The following GLRA1 variants were observed in gnomAD, a reference collection of about 807,000 sequenced individuals.
The protein encoded by GLRA1 is glycine receptor subunit alpha-1.
A neutral mutation model predicts 48.3 loss-of-function variants in GLRA1; 37 were observed. The ratio of observed to expected loss-of-function variants is 0.77; its 90% CI spans 0.59 to 1.01. The LOEUF (loss-of-function observed/expected upper bound fraction) is 1.01, where lower values mean the gene tolerates loss of function less well. Among genes scored for constraint, GLRA1 ranks in the 50% least tolerant of loss-of-function variants. GLRA1 has a pLI of 0.00. For synonymous variants in GLRA1, 196 were observed against 210.7 expected, an observed-to-expected ratio of 0.93 and a Z score of 0.60; for missense variants, 427 against 571.0, an observed-to-expected ratio of 0.75 and a Z score of 2.57.
chr5:151,878,459 T>C (rs1483442432), intron 3 of GLRA1, among the ~76,000 whole-genome samples: 1 of 152,048 alleles, frequency 6.6e-6, no homozygotes, highest in Non-Finnish European at 1.5e-5. Flanking sequence ...GCTGAAGAAA[T>C]TTGCATAAGT....
At chr5:151,853,775 A>G (rs1430835030) in intron 6 of GLRA1, among the ~76,000 whole-genome samples, 1 of 152,040 alleles carries the variant, frequency 6.6e-6, no homozygotes, top group Non-Finnish European at 1.5e-5. Flanking sequence ...CTAGGAATCT[A>G]TTGCCAAATC....
At chr5:151,864,171 T>C (rs1001140556) in intron 3 of GLRA1, among the ~76,000 whole-genome samples, 6 of 151,828 alleles carry the variant, frequency 4.0e-5, no homozygotes, top group East Asian at 1.9e-4. Context: ...TGATGAGGCA[T>C]TGGGCAAGTC....
chr5:151,841,003 CTTAA>C (rs1763700029), intron 7 of GLRA1, among the ~76,000 whole-genome samples: 1 of 152,044 alleles, frequency 6.6e-6, no homozygotes, highest in Non-Finnish European at 1.5e-5. Context: ...AAATGAAAAA[CTTAA>C]TTGACACTGT....
chr5:151,889,039 A>G (rs1009875745), intron 2 of GLRA1, among the ~76,000 whole-genome samples: 3 of 152,128 alleles, frequency 2.0e-5, no homozygotes, highest in Admixed American at 1.3e-4. Context: ...GTTACTGCCT[A>G]TGCCTTGAAA....
At chr5:151,860,345 T>G (rs1753162993) in intron 3 of GLRA1, among the ~76,000 whole-genome samples, 1 of 152,218 alleles carries the variant, frequency 6.6e-6, no homozygotes, top group Non-Finnish European at 1.5e-5. Flanking sequence ...TAATATTTTG[T>G]CATGTTTGCT....
At chr5:151,860,566 T>C (rs1183056474) in intron 3 of GLRA1, among the ~76,000 whole-genome samples, 1 of 152,192 alleles carries the variant, frequency 6.6e-6, no homozygotes, top group African/African-American at 2.4e-5. Context: ...TCTCAAGAAG[T>C]GAAGGAGGGA....
intron 7 of GLRA1, among the ~76,000 whole-genome samples, chr5:151,842,502 T>G (rs1382455198): frequency 6.6e-6 from 1 of 152,146 alleles, no homozygotes; most frequent in African/African-American, 2.4e-5. Flanking sequence ...AGGAAAAATA[T>G]CACATGATCC....
At chr5:151,827,296 A>G (rs928164578) in intron 8 of GLRA1, among the ~76,000 whole-genome samples, 2 of 151,950 alleles carry the variant, frequency 1.3e-5, no homozygotes, top group Admixed American at 6.6e-5. Context: ...TCCTCCTTCA[A>G]TGTAGTTTAG....
chr5:151,891,996 C>T (rs1431818801), intron 2 of GLRA1, among the ~76,000 whole-genome samples: 3 of 152,144 alleles, frequency 2.0e-5, no homozygotes, highest in Non-Finnish European at 4.4e-5. Flanking sequence ...AAGTTTGTGC[C>T]TGAGCCCAAA....
chr5:151,902,280 TAG>T lies in GLRA1; in HGVS notation c.57-9844_57-9843del, dbSNP rs144039774. On this transcript the variant is annotated intron_variant, in intron 1 of 8. Coordinates refer to ENST00000274576, the MANE Select transcript of GLRA1 (RefSeq NM_000171.4). ...AGGAGGCCTGCTCAGTCTCAGATGG[TAG>T]AACCATAACATAACTGGAGCGCTCC... Among the ~76,000 whole-genome samples the T allele has an allele frequency of 9.9e-3, 1,501 of 152,060 alleles. 27 individuals are homozygous for T. Among genetic ancestry groups the T allele is most frequent in the African/African-American group, 0.034 (1,421 of 41,460 alleles).
chr5:151,920,546 C>A (rs983809790), intron 1 of GLRA1, among the ~76,000 whole-genome samples: 2 of 152,088 alleles, frequency 1.3e-5, no homozygotes, highest in African/African-American at 4.8e-5. Context: ...CTGTCCAACC[C>A]GTCCTTCAGG....
At chr5:151,915,073 C>G (rs1459678482) in intron 1 of GLRA1, among the ~76,000 whole-genome samples, 2 of 152,196 alleles carry the variant, frequency 1.3e-5, no homozygotes, top group East Asian at 3.8e-4. Flanking sequence ...GTTACATAAC[C>G]TCTTTATGTA....
intron 7 of GLRA1, chr5:151,850,403 T>C (rs1456120407): frequency 1.6e-6 from 2 of 1,241,770 alleles, no homozygotes; most frequent in Non-Finnish European, 2.4e-6. Context: ...CCAAGCCCAT[T>C]CCTGGGAACA....
chr5:151,827,171 CTT>C (rs59142874), intron 8 of GLRA1, among the ~76,000 whole-genome samples: 273 of 138,786 alleles, frequency 2.0e-3, no homozygotes, highest in South Asian at 7.5e-3. Context: ...CTTAAATAGA[CTT>C]TTTTTTTTTT....
intron 3 of GLRA1, among the ~76,000 whole-genome samples, chr5:151,866,971 C>T (rs1305036383): frequency 6.6e-6 from 1 of 151,960 alleles, no homozygotes; most frequent in Non-Finnish European, 1.5e-5. Context: ...ATTAGCTGGG[C>T]CTGGTGGTGC....
Position 151,855,003 on chromosome 5 carries a change from G to C in GLRA1, c.697+37C>G, listed in dbSNP as rs192457393. ...CTGAAATGACCTCTGGTCCTGGTTG[G>C]GGGGTGGGATCTGAGGAGGGTGGCC... On this transcript the variant is annotated intron_variant, in intron 6 of 8. Transcript: ENST00000274576. 7.5e-6 allele frequency: 12 copies of C among 1,607,418 alleles called. No individual in the cohort carries two copies. In the Admixed American group the frequency reaches 1.2e-4, roughly 16 times the overall value.
chr5:151,860,077 G>A lies in GLRA1; in HGVS notation c.253-69C>T. On this transcript the variant is annotated intron_variant, in intron 3 of 8. Coordinates refer to ENST00000274576, the MANE Select transcript of GLRA1 (RefSeq NM_000171.4). The stretch of plus-strand genomic sequence containing the variant: ...GGACATCAACTTTTGGAGGACCTGG[G>A]TGCTTTTGGCCAGTAAAACCTTTTC... 4.1e-6 allele frequency: 5 copies of A among 1,233,828 alleles called. 1 individual carries two copies. In the South Asian group the frequency reaches 6.1e-5, roughly 15 times the overall value. 76.4% of individuals were successfully genotyped at this position (1,233,828 alleles called of 1,614,324 possible).
chr5:151,886,824 GC>G, intron 2 of GLRA1, 36 bp from the exon 3 acceptor site: 1 of 1,502,886 alleles, frequency 6.7e-7, no homozygotes, highest in Non-Finnish European at 9.3e-7. Flanking sequence ...TAGCCCCAAG[GC>G]CATGGAAGAA....
At chr5:151,836,587 T>C (rs971842467) in intron 7 of GLRA1, among the ~76,000 whole-genome samples, 1 of 152,166 alleles carries the variant, frequency 6.6e-6, no homozygotes, top group African/African-American at 2.4e-5. Context: ...CAAAACAGCA[T>C]GATGCTGGTA....
Sources: allele counts gnomAD v4.1 joint callset (sites outside exome capture counted in the v4.1 genomes callset), GRCh38; gene constraint gnomAD v4.1.1; transcripts MANE v1.5; gene names NCBI Gene and HGNC (gene_info 2026-07-23, HGNC 2026-07-21).